Variants in SHB observed in about 807,000 individuals in gnomAD.
SHB encodes SH2 domain-containing adapter protein B.
A neutral mutation model predicts 52.3 loss-of-function variants in SHB; 20 were observed. The ratio of observed to expected loss-of-function variants is 0.38; its 90% CI spans 0.27 to 0.56. The LOEUF (loss-of-function observed/expected upper bound fraction) is 0.56, where lower values mean the gene tolerates loss of function less well. Among genes scored for constraint, SHB ranks in the 20% least tolerant of loss-of-function variants. The probability of loss-of-function intolerance (pLI) is 0.71; values close to 1 mark genes in which losing one functional copy is unlikely to be tolerated. For missense variants in SHB, 825 were observed against 723.3 expected (o/e 1.14, Z -1.61); for synonymous variants, 397 against 316.5 (o/e 1.25, Z -2.70).
At position 37,918,231 on chromosome 9, in the gene SHB, A is replaced by C. The variant is rs575849391; in HGVS notation, c.*1590T>G. Among the ~76,000 whole-genome samples, 3 of 152,198 alleles carry C rather than the reference A, an allele frequency of 2.0e-5. No individual in the cohort carries two copies. The highest frequency in any genetic ancestry group is 2.0e-4 in the Admixed American group (3 of 15,278). On this transcript the variant is annotated 3_prime_UTR_variant, in exon 6 of 6. Transcript: ENST00000377707. Reference sequence around the variant, plus strand: ...GCTCTGGAACCCTTGTATCTCATTCAGGAGAGGGCAGCCACATCTTCATGC... The same window carrying C: ...GCTCTGGAACCCTTGTATCTCATTCCGGAGAGGGCAGCCACATCTTCATGC...
At chr9:37,996,997 A>G (rs765381722) in intron 2 of SHB, among the ~76,000 whole-genome samples, 1 of 152,176 alleles carries the variant, frequency 6.6e-6, no homozygotes, top group African/African-American at 2.4e-5. Flanking sequence ...GAGGATTTCA[A>G]TGAGCTCAAT....
intron 5 of SHB, among the ~76,000 whole-genome samples, chr9:37,920,796 G>A (rs1402726657): frequency 2.0e-5 from 3 of 152,130 alleles, no homozygotes; most frequent in Admixed American, 1.3e-4. Flanking sequence ...CCACCATCCC[G>A]GCTCCTCTGA....
rs1821522780 is a variant in SHB at position 38,038,694 on chromosome 9, A to T, written c.718-22563T>A. 2.6e-5 allele frequency among the ~76,000 whole-genome samples: 4 copies of T among 152,132 alleles called. No homozygotes were observed. The South Asian group carries it at 8.3e-4, about 31-fold the overall frequency. On this transcript the variant is annotated intron_variant, in intron 1 of 5. Coordinates refer to ENST00000377707, the MANE Select transcript of SHB (RefSeq NM_003028.3). ...GTGCCTCCTTCCCCAGGACACAGGG[A>T]TGCAGCCCACTCTGCTCCCTACTCG...
intron 2 of SHB, among the ~76,000 whole-genome samples, chr9:37,987,750 C>T (rs979710086): frequency 2.0e-5 from 3 of 152,098 alleles, no homozygotes; most frequent in Admixed American, 6.5e-5. Flanking sequence ...GGTGGTATCA[C>T]GAGGAAGAGA....
chr9:37,973,062 T>C (rs925850992), intron 3 of SHB, among the ~76,000 whole-genome samples: 1 of 152,178 alleles, frequency 6.6e-6, no homozygotes, highest in African/African-American at 2.4e-5. Flanking sequence ...ACATTAGACA[T>C]AAGCATTTCT....
intron 1 of SHB, among the ~76,000 whole-genome samples, chr9:38,056,978 T>G (rs1821829468): frequency 6.6e-6 from 1 of 152,226 alleles, no homozygotes; most frequent in Admixed American, 6.5e-5. Flanking sequence ...GAGGATTGTG[T>G]GAGAAGGGTA....
At chr9:37,932,388 T>C (rs996136684) in intron 5 of SHB, among the ~76,000 whole-genome samples, 2 of 151,194 alleles carry the variant, frequency 1.3e-5, no homozygotes, top group Non-Finnish European at 2.9e-5. Context: ...AGTGGGTCCT[T>C]GGGGCAGGGT....
At chr9:37,975,452 G>C (rs1820643155) in intron 2 of SHB, among the ~76,000 whole-genome samples, 1 of 152,176 alleles carries the variant, frequency 6.6e-6, no homozygotes, top group Admixed American at 6.5e-5. Context: ...GGATTTGAGA[G>C]GGTGTCCAGC....
At chr9:38,053,244 CTT>C (rs565026068) in intron 1 of SHB, among the ~76,000 whole-genome samples, 2 of 147,382 alleles carry the variant, frequency 1.4e-5, no homozygotes, top group Non-Finnish European at 1.5e-5. Flanking sequence ...AAATCAGACT[CTT>C]TTTTTTTTTG....
At chr9:37,965,997 CTCAAGTAGAGACCTGGAT>C (rs1398825301) in intron 3 of SHB, among the ~76,000 whole-genome samples, 1 of 152,186 alleles carries the variant, frequency 6.6e-6, no homozygotes, top group Admixed American at 6.5e-5. Flanking sequence ...GAGACCTGGA[CTCAAGTAGAGACCTGGAT>C]TCAAGTGGAG....
intron 1 of SHB, among the ~76,000 whole-genome samples, chr9:38,060,519 G>A (rs549301359): frequency 6.6e-6 from 1 of 152,186 alleles, no homozygotes; most frequent in East Asian, 1.9e-4. Flanking sequence ...TCTGTGCCTT[G>A]GTTTCCTCAT....
At chr9:37,969,124 T>A (rs1820564777) in intron 3 of SHB, among the ~76,000 whole-genome samples, 1 of 152,124 alleles carries the variant, frequency 6.6e-6, no homozygotes, top group Admixed American at 6.5e-5. Context: ...AAGAAATTAG[T>A]GCAAGTGAGA....
Position 37,919,176 on chromosome 9 carries a change from T to C in SHB, c.*645A>G, listed in dbSNP as rs1241555140. On this transcript the variant is annotated 3_prime_UTR_variant, in exon 6 of 6. Transcript: ENST00000377707. The stretch of plus-strand genomic sequence containing the variant: ...ATTTACACACCCTATTCATAAATAA[T>C]TGAATCCTCTTTTTGACTGCACAAT... 4 of 152,724 alleles carry C rather than the reference T, an allele frequency of 2.6e-5. No individual in the cohort carries two copies. The highest frequency in any genetic ancestry group is 2.9e-5 in the Non-Finnish European group (2 of 68,084). The allele number at this position is 152,724 out of a possible 1,614,324, so 9.5% of individuals were successfully genotyped here. A position where few individuals can be genotyped will look rare whatever the true frequency, so the allele number is the denominator to read the frequency against.
chr9:37,948,154 C>T (rs553390221), intron 5 of SHB, among the ~76,000 whole-genome samples: 1 of 152,196 alleles, frequency 6.6e-6, no homozygotes, highest in Non-Finnish European at 1.5e-5. Context: ...ACACAAACCG[C>T]AAGCCAGAGC....
intron 2 of SHB, among the ~76,000 whole-genome samples, chr9:37,983,815 C>T (rs1337552990): frequency 6.6e-6 from 1 of 152,208 alleles, no homozygotes; most frequent in Non-Finnish European, 1.5e-5. Context: ...AGGGCCCCAG[C>T]GGTGTCAGGA....
chr9:38,000,663 C>T (rs73646134), intron 2 of SHB, among the ~76,000 whole-genome samples: 6,404 of 152,318 alleles, frequency 0.042, 455 homozygotes, highest in African/African-American at 0.14. Flanking sequence ...TGTGATTTGG[C>T]CTCCAAAGTC....
chr9:38,047,874 G>A (rs1821678261), intron 1 of SHB, among the ~76,000 whole-genome samples: 1 of 152,210 alleles, frequency 6.6e-6, no homozygotes, highest in African/African-American at 2.4e-5. Context: ...TAACGCTGTG[G>A]CCCCGGACAC....
intron 1 of SHB, among the ~76,000 whole-genome samples, chr9:38,065,510 G>A (rs547451086): frequency 6.0e-4 from 92 of 152,250 alleles, no homozygotes; most frequent in Middle Eastern, 3.4e-3. Context: ...TCAATCAGAC[G>A]CTGCAGGATG....
intron 5 of SHB, among the ~76,000 whole-genome samples, chr9:37,945,916 T>C (rs1016351121): frequency 6.6e-6 from 1 of 151,848 alleles, no homozygotes; most frequent in East Asian, 1.9e-4. Context: ...GAGCAGCGAG[T>C]GGCAGGACAG....
Sources: allele counts gnomAD v4.1 joint callset (sites outside exome capture counted in the v4.1 genomes callset), GRCh38; gene constraint gnomAD v4.1.1; transcripts MANE v1.5; gene names NCBI Gene and HGNC (gene_info 2026-07-23, HGNC 2026-07-21).